PLEKHG3: variants seen among roughly 807,000 people sequenced by gnomAD.
PLEKHG3 encodes the protein pleckstrin homology and RhoGEF domain containing G3.
In PLEKHG3, 62 loss-of-function variants were observed where a neutral mutation model predicts 94.9. The ratio of observed to expected loss-of-function variants is 0.65; its 90% CI spans 0.53 to 0.81. The LOEUF is 0.81. Among genes scored for constraint, PLEKHG3 ranks in the 30% least tolerant of loss-of-function variants. The probability of loss-of-function intolerance (pLI) is 0.00; values close to 1 mark genes in which losing one functional copy is unlikely to be tolerated. For missense variants in PLEKHG3, 1,461 were observed against 1,619.3 expected (o/e 0.90, Z 1.68); for synonymous variants, 614 against 654.0 (o/e 0.94, Z 0.93).
intron 1 of PLEKHG3, among the ~76,000 whole-genome samples, chr14:64,713,349 G>A (rs1167558111): frequency 6.6e-6 from 1 of 152,146 alleles, no homozygotes; most frequent in Non-Finnish European, 1.5e-5. Flanking sequence ...TTTTTGTGGG[G>A]TGAGAGTTTG....
rs1323890570 is a variant in PLEKHG3, at chr14:64,738,812, C to T, written c.1475C>T (p.Thr492Ile). 6.3e-7 allele frequency: 1 copy of T among 1,598,902 alleles called. No individual in the cohort carries two copies. Among genetic ancestry groups the T allele is most frequent in the South Asian group, 1.1e-5 (1 of 88,198 alleles). The change falls in exon 15 of 17, where the codon ACT becomes ATT. Residue 492 changes from threonine to isoleucine, a missense_variant. Transcript: ENST00000247226. The surrounding 1 kb of genome is among the most constrained non-coding windows in gnomAD (Gnocchi z 4.8). ...RRPSGRSPTS[T>I]EKRMSFESIS... is the part of the protein sequence containing the mutation. ...CCCAGTGGCCGGTCTCCAACCAGTA[C>T]TGAGAAGCGCATGAGCTTCGAGTCC...
chr14:64,705,681 GA>G (rs2080960321), intron 1 of PLEKHG3, among the ~76,000 whole-genome samples: 1 of 152,190 alleles, frequency 6.6e-6, no homozygotes, highest in Non-Finnish European at 1.5e-5. Flanking sequence ...AATAAGCAGG[GA>G]GGGCAATGAC....
chr14:64,732,889 C>T lies in PLEKHG3; in HGVS notation c.1333C>T (p.Arg445Cys), dbSNP rs761641185. The change falls in exon 12 of 17, where the codon CGC becomes TGC. Residue 445 changes from arginine (R) to cysteine (C), a missense_variant. This residue lies in a region of PLEKHG3 where 1,201 missense variants were observed against 1,295.5 expected (regional missense o/e 0.93). Coordinates refer to ENST00000247226, the MANE Select transcript of PLEKHG3 (RefSeq NM_001308147.2). The surrounding 1 kb of genome is among the most constrained non-coding windows in gnomAD (Gnocchi z 4.9). ...DEVSTNVRQG[R>C]RQSEPTKHLL... ...GGTGTCCACCAATGTGCGCCAGGGGCGCCGGCAATCTGGTAAGAGAAGGGC... is the reference window on the plus strand; with the variant it reads ...GGTGTCCACCAATGTGCGCCAGGGGTGCCGGCAATCTGGTAAGAGAAGGGC... The T allele has an allele frequency of 3.6e-5, 57 of 1,603,038 alleles. No homozygotes were observed. The highest frequency in any genetic ancestry group is 4.3e-5 in the Non-Finnish European group (51 of 1,174,242).
Position 64,749,355 on chromosome 14 carries a change from C to CCGAGGCTGGCGT in PLEKHG3, c.*5655_*5666dup, listed in dbSNP as rs748362034. On this transcript the variant is annotated 3_prime_UTR_variant, in exon 17 of 17. Transcript: ENST00000247226. This position sits in a 1 kb window ranked among gnomAD's most constrained non-coding sequence, Gnocchi z 4.7. ...GAATCTCTTCTCCTTGTCTTTCTTG[C>CCGAGGCTGGCGT]CGAGGCTGGCGTCGGGGCCGGAGAG... 2.5e-6 allele frequency: 4 copies of CCGAGGCTGGCGT among 1,610,416 alleles called. No individual in the cohort carries two copies. In the Admixed American group the frequency reaches 5.0e-5, roughly 20 times the overall value.
chr14:64,737,081 C>A (rs912871265), intron 13 of PLEKHG3, 190 bp downstream of exon 13: 3 of 669,708 alleles, frequency 4.5e-6, no homozygotes, highest in East Asian at 5.4e-5. Context: ...CTGGAGCTCT[C>A]CCCCATGCAC....
rs761963034 is a variant in PLEKHG3, at chr14:64,730,807, C to T, written c.575C>T (p.Ala192Val). The change falls in exon 6 of 17, where the codon GCC (alanine) becomes GTC (valine). Residue 192 changes from alanine (A) to valine (V), a missense_variant. Ala to Val is a moderately conservative substitution (Grantham distance 64). Around this residue, in one of 3 missense-constraint regions of PLEKHG3, gnomAD observed 253 missense variants for 297.8 expected, o/e 0.85. Coordinates refer to ENST00000247226, the MANE Select transcript of PLEKHG3 (RefSeq NM_001308147.2). The surrounding 1 kb of genome is among the most constrained non-coding windows in gnomAD (Gnocchi z 5.4). ...CCTTCTCCCACTCCCAGCTCCGTGG[C>T]CGCCCTGACGGAATGCATGCGGGAC... is the stretch of plus-strand genomic sequence containing the variant. ...QYCNNYPNSV[A>V]ALTECMRDKQ... The T allele has an allele frequency of 1.9e-6, 3 of 1,613,020 alleles. No individual in the cohort carries two copies. Among genetic ancestry groups the T allele is most frequent in the Non-Finnish European group, 2.5e-6 (3 of 1,179,584 alleles).
At chr14:64,734,428 G>A (rs2081531493) in intron 12 of PLEKHG3, among the ~76,000 whole-genome samples, 1 of 152,168 alleles carries the variant, frequency 6.6e-6, no homozygotes, top group African/African-American at 2.4e-5. Flanking sequence ...CCTAGTGTTA[G>A]CATCGAAACT....
In PLEKHG3 at chr14:64,716,063, G is replaced by T. The variant is rs1332249540; in HGVS notation, c.-40+11359G>T. The T allele has an allele frequency of 1.1e-5, 5 of 456,200 alleles. No individual in the cohort carries two copies. The Admixed American group carries it at 1.2e-4, about 11-fold the overall frequency. 28.3% of individuals were successfully genotyped at this position (456,200 alleles called of 1,614,324 possible). On this transcript the variant is annotated intron_variant, in intron 1 of 16. Transcript: ENST00000247226. This position sits in a 1 kb window ranked among gnomAD's most constrained non-coding sequence, Gnocchi z 5.0. The stretch of plus-strand genomic sequence containing the variant: ...CCCGGCCCCTCGCCACCCTCGTGGT[G>T]CCCGGATGGGAGCTCTCCTGAGGAA...
rs751362055 is a variant in PLEKHG3, at chr14:64,732,138, A to G, written c.1169A>G (p.Lys390Arg). 8 of 1,614,090 alleles carry G rather than the reference A, an allele frequency of 5.0e-6. No homozygotes were observed. Among genetic ancestry groups the G allele is most frequent in the South Asian group, 4.4e-5 (4 of 91,086 alleles). Residue 390 changes from lysine to arginine, a missense_variant, in exon 10 of 17, where the codon AAG (lysine) becomes AGG (arginine). Lys to Arg is a conservative substitution (Grantham distance 26). Coordinates refer to ENST00000247226, the MANE Select transcript of PLEKHG3 (RefSeq NM_001308147.2). This position sits in a 1 kb window ranked among gnomAD's most constrained non-coding sequence, Gnocchi z 4.9. ...EEKRNWTHHI[K>R]RLILENHHAT... ...AAACGGAACTGGACTCACCACATCA[A>G]GAGGCTCATCCTAGAGAACCACCAT...
chr14:64,723,882 T>G lies in PLEKHG3; in HGVS notation c.-39-3711T>G, dbSNP rs2081306892. On this transcript the variant is annotated intron_variant, in intron 1 of 16. Coordinates refer to ENST00000247226, the MANE Select transcript of PLEKHG3 (RefSeq NM_001308147.2). The surrounding 1 kb of genome is among the most constrained non-coding windows in gnomAD (Gnocchi z 4.5). Reference sequence around the variant, plus strand: ...TCATGTTGCAAGATGGAAGAGGTCATGGCTGGGGCATACTTAAGAGAACTG... The same window carrying G: ...TCATGTTGCAAGATGGAAGAGGTCAGGGCTGGGGCATACTTAAGAGAACTG... 6.6e-6 allele frequency: 1 copy of G among 152,198 alleles called. No individual in the cohort carries two copies. The highest frequency in any genetic ancestry group is 2.4e-5 in the African/African-American group (1 of 41,412). 9.4% of individuals were successfully genotyped at this position (152,198 alleles called of 1,614,324 possible). A position where few individuals can be genotyped will look rare whatever the true frequency, so the allele number is the denominator to read the frequency against.
intron 16 of PLEKHG3, 74 bp from the exon 17 acceptor site, chr14:64,742,908 G>A (rs2081737312): frequency 1.3e-6 from 2 of 1,486,262 alleles, no homozygotes; most frequent in Non-Finnish European, 1.9e-6. Context: ...AGTGAGTTGG[G>A]GCCTGCTCAG....
At position 64,749,787 on chromosome 14, in the gene PLEKHG3, G is replaced by A. The variant is rs528733463; in HGVS notation, c.*6084G>A. On this transcript the variant is annotated 3_prime_UTR_variant, in exon 17 of 17. Transcript: ENST00000247226. This position sits in a 1 kb window ranked among gnomAD's most constrained non-coding sequence, Gnocchi z 4.7. ...CTCTGATCCCACAATACCCTGAGCC[G>A]AACATCCAGACCCCTCTCAGGCAGC... is the stretch of plus-strand genomic sequence containing the variant. The A allele has an allele frequency of 7.8e-6, 12 of 1,535,260 alleles. No individual in the cohort carries two copies. Among genetic ancestry groups the A allele is most frequent in the African/African-American group, 6.8e-5 (5 of 73,040 alleles).
chr14:64,738,927 G>T lies in PLEKHG3; in HGVS notation c.1518+72G>T, dbSNP rs1358933236. On this transcript the variant is annotated intron_variant, in intron 15 of 16. Coordinates refer to ENST00000247226, the MANE Select transcript of PLEKHG3 (RefSeq NM_001308147.2). The surrounding 1 kb of genome is among the most constrained non-coding windows in gnomAD (Gnocchi z 4.8). ...TCCAGATTTTCAAGTCTGCAAATAG[G>T]GCTTTCAGGCACAGGCTCTCCCACT... is the stretch of plus-strand genomic sequence containing the variant. The T allele has an allele frequency of 2.2e-6, 2 of 926,802 alleles. No individual in the cohort carries two copies. Among genetic ancestry groups the T allele is most frequent in the Non-Finnish European group, 3.5e-6 (2 of 579,482 alleles). 57.4% of individuals were successfully genotyped at this position (926,802 alleles called of 1,614,324 possible).
At chr14:64,729,139 C>T (rs767836574) in intron 3 of PLEKHG3, 46 bp downstream of exon 3, 122 of 854,018 alleles carry the variant, frequency 1.4e-4, no homozygotes, top group Non-Finnish European at 2.0e-4. Context: ...CTGCGAGGCC[C>T]ACCTCAGGGC....
chr14:64,743,818 A>G lies in PLEKHG3; in HGVS notation c.*115A>G. On this transcript the variant is annotated 3_prime_UTR_variant, in exon 17 of 17. Coordinates refer to ENST00000247226, the MANE Select transcript of PLEKHG3 (RefSeq NM_001308147.2). This position sits in a 1 kb window ranked among gnomAD's most constrained non-coding sequence, Gnocchi z 7.2. ...TGCCCAGGGCCCTCAGGTGGGCGGA[A>G]AGTCCATCCCCTCCGCCCTTCAGGA... 8.7e-7 allele frequency: 1 copy of G among 1,147,332 alleles called. No individual in the cohort carries two copies. Among genetic ancestry groups the G allele is most frequent in the Non-Finnish European group, 1.2e-6 (1 of 838,332 alleles). 71.1% of individuals were successfully genotyped at this position (1,147,332 alleles called of 1,614,324 possible). A position where few individuals can be genotyped will look rare whatever the true frequency, so the allele number is the denominator to read the frequency against.
chr14:64,735,826 T>G (rs1247787914), intron 12 of PLEKHG3, among the ~76,000 whole-genome samples: 1 of 152,280 alleles, frequency 6.6e-6, no homozygotes, highest in Non-Finnish European at 1.5e-5. Flanking sequence ...ACAAGTGTAT[T>G]CTATTGATAA....
Position 64,737,338 on chromosome 14 carries a change from CG to C in PLEKHG3, c.1385-16del. The stretch of plus-strand genomic sequence containing the variant: ...CCCCTCGCCCGTGTGCTGGGGGACC[CG>C]GTGGTGATGTCTGCAGCCCGAGCAG... On this transcript the variant is annotated splice_polypyrimidine_tract_variant and intron_variant, in intron 13 of 16. Coordinates refer to ENST00000247226, the MANE Select transcript of PLEKHG3 (RefSeq NM_001308147.2). 1 of 1,603,240 alleles carries C rather than the reference CG, an allele frequency of 6.2e-7. No individual in the cohort carries two copies. Among genetic ancestry groups the C allele is most frequent in the South Asian group, 1.1e-5 (1 of 89,064 alleles).
rs2081200252 is a variant in PLEKHG3, at chr14:64,718,117, T to A, written c.-39-9476T>A. Among the ~76,000 whole-genome samples the A allele has an allele frequency of 6.6e-6, 1 of 152,240 alleles. No individual in the cohort carries two copies. Reference sequence around the variant, plus strand: ...GCTTACTCGTCATTTATGACTCAGCTAAGATGTCACCTTCTCCTAGAAAGC... The same window carrying A: ...GCTTACTCGTCATTTATGACTCAGCAAAGATGTCACCTTCTCCTAGAAAGC... On this transcript the variant is annotated intron_variant, in intron 1 of 16. Coordinates refer to ENST00000247226, the MANE Select transcript of PLEKHG3 (RefSeq NM_001308147.2). This position sits in a 1 kb window ranked among gnomAD's most constrained non-coding sequence, Gnocchi z 5.0.
Position 64,743,417 on chromosome 14 carries a change from A to T in PLEKHG3, c.3374A>T (p.Asp1125Val), listed in dbSNP as rs570229021. Residue 1125 changes from aspartate (D) to valine (V), a missense_variant, in exon 17 of 17, where the codon GAT becomes GTT. Asp to Val is a radical substitution (Grantham distance 152). Transcript: ENST00000247226. The surrounding 1 kb of genome is among the most constrained non-coding windows in gnomAD (Gnocchi z 7.2). The part of the protein sequence containing the change: ...SPGPLPQSKP[D>V]GGETLYVTAD... The stretch of plus-strand genomic sequence containing the variant: ...GGGCCTCTGCCCCAGAGCAAGCCGG[A>T]TGGAGGCGAGACCCTGTATGTCACT... The T allele has an allele frequency of 1.5e-4, 234 of 1,611,374 alleles. 3 individuals carry two copies. In the South Asian group the frequency reaches 2.5e-3, roughly 17 times the overall value.
Sources: allele counts gnomAD v4.1 joint callset (sites outside exome capture counted in the v4.1 genomes callset), GRCh38; gene constraint gnomAD v4.1.1; regional missense constraint gnomAD v4.1.1; non-coding constraint Gnocchi (gnomAD v3.1); transcripts MANE v1.5; gene names NCBI Gene and HGNC (gene_info 2026-07-23, HGNC 2026-07-21).